Variants in GRK6 observed in about 807,000 individuals in gnomAD.
GRK6 encodes the protein G protein-coupled receptor kinase 6.
In GRK6, 37 loss-of-function variants were observed where a neutral mutation model predicts 80.8. The observed-to-expected ratio is 0.46, with a 90% confidence interval of 0.35 to 0.60. The LOEUF (loss-of-function observed/expected upper bound fraction) is 0.60, where lower values mean the gene tolerates loss of function less well. GRK6 is among the 20% of genes least tolerant of loss of function. The probability of loss-of-function intolerance (pLI) is 0.00; values close to 1 mark genes in which losing one functional copy is unlikely to be tolerated. For synonymous variants in GRK6, 295 were observed against 320.9 expected (o/e 0.92, Z 0.86); for missense variants, 560 against 784.6 (o/e 0.71, Z 3.42).
chr5:177,435,582 C>A (rs1764105535), intron 11 of GRK6, among the ~76,000 whole-genome samples: 1 of 152,238 alleles, frequency 6.6e-6, no homozygotes, highest in Non-Finnish European at 1.5e-5. Context: ...CTGCTCCCGG[C>A]CTCACTCTGC....
intron 12 of GRK6, 38 bp downstream of exon 12, chr5:177,436,319 G>A (rs767885485): frequency 6.2e-7 from 1 of 1,612,610 alleles, no homozygotes; most frequent in East Asian, 2.2e-5. Context: ...GCCAGGGCTG[G>A]GGTGGATGCA....
rs1483770900 is a variant in GRK6 at position 177,429,976 on chromosome 5, A to T, written c.53-896A>T. On this transcript the variant is annotated intron_variant, in intron 1 of 15. Transcript: ENST00000355472. This position sits in a 1 kb window ranked among gnomAD's most constrained non-coding sequence, Gnocchi z 4.3. ...CTCAACCTGGTGGCCCACAGGCCAC[A>T]CACATTTGGCTAGCTCCCTGACACA... Among the ~76,000 whole-genome samples the T allele has an allele frequency of 6.6e-6, 1 of 151,166 alleles. No homozygotes were observed. Among genetic ancestry groups the T allele is most frequent in the Non-Finnish European group, 1.5e-5 (1 of 67,914 alleles).
Position 177,428,492 on chromosome 5 carries a change from A to T in GRK6, c.52+1595A>T, listed in dbSNP as rs1763760873. On this transcript the variant is annotated intron_variant, in intron 1 of 15. Coordinates refer to ENST00000355472, the MANE Select transcript of GRK6 (RefSeq NM_001004106.3). This position sits in a 1 kb window ranked among gnomAD's most constrained non-coding sequence, Gnocchi z 4.1. The stretch of plus-strand genomic sequence containing the variant: ...TCACCCAGGCTGGAGTGCAGGGCTC[A>T]CTGCAACCTCCGCCTCCTGGGTTCA... Among the ~76,000 whole-genome samples the T allele has an allele frequency of 6.6e-6, 1 of 152,164 alleles. No individual in the cohort carries two copies. The highest frequency in any genetic ancestry group is 2.4e-5 in the African/African-American group (1 of 41,438).
intron 13 of GRK6, 90 bp downstream of exon 13, chr5:177,436,620 C>A: frequency 1.6e-6 from 2 of 1,256,182 alleles, no homozygotes; most frequent in Non-Finnish European, 2.2e-6. Context: ...GCTTCCAGTG[C>A]AAGTGGCAGA....
intron 9 of GRK6, among the ~76,000 whole-genome samples, 157 bp downstream of exon 9, chr5:177,434,261 A>C (rs573287573): frequency 2.2e-4 from 33 of 152,262 alleles, no homozygotes; most frequent in African/African-American, 7.0e-4. Flanking sequence ...CGCCAGGCCA[A>C]CCTGAGTAGC....
chr5:177,434,227 G>C, intron 9 of GRK6, 123 bp downstream of exon 9: 1 of 1,022,260 alleles, frequency 9.8e-7, no homozygotes, highest in Non-Finnish European at 1.4e-6. Context: ...TGGTTTGGGG[G>C]CTGTGGCACC....
Position 177,441,705 on chromosome 5 carries a change from TCCCTCCCTCCGTGTCTTCC to T in GRK6, c.1678-29_1678-11del. ...GTTAATGGCACCTGCTCTGCCTCTC[TCCCTCCCTCCGTGTCTTCC>T]CCGTCCCTCCAGGATTGCTGTGGAA... On this transcript the variant is annotated splice_polypyrimidine_tract_variant and intron_variant, in intron 15 of 15. Transcript: ENST00000355472. The T allele has an allele frequency of 6.4e-7, 1 of 1,557,782 alleles. No individual in the cohort carries two copies. The highest frequency in any genetic ancestry group is 8.9e-7 in the Non-Finnish European group (1 of 1,129,610).
rs1284679106 is a variant in GRK6, at chr5:177,428,741, C to T, written c.52+1844C>T. 3.9e-5 allele frequency among the ~76,000 whole-genome samples: 6 copies of T among 152,172 alleles called. No individual in the cohort carries two copies. The highest frequency in any genetic ancestry group is 1.4e-4 in the African/African-American group (6 of 41,434). The stretch of plus-strand genomic sequence containing the variant: ...CCGACCTGCATGACTTTAAACATGT[C>T]TCTTCTTTCTCAACTTCAGTACCCC... On this transcript the variant is annotated intron_variant, in intron 1 of 15. Coordinates refer to ENST00000355472, the MANE Select transcript of GRK6 (RefSeq NM_001004106.3). This position sits in a 1 kb window ranked among gnomAD's most constrained non-coding sequence, Gnocchi z 4.1.
At chr5:177,430,761 C>G in intron 1 of GRK6, 111 bp from the exon 2 acceptor site, 2 of 857,944 alleles carry the variant, frequency 2.3e-6, no homozygotes, top group South Asian at 3.1e-5. Context: ...AGGTGCTGTT[C>G]TGCCTCAGCT....
At chr5:177,439,891 T>C (rs908612407) in intron 13 of GRK6, 2 of 152,292 alleles carry the variant, frequency 1.3e-5, no homozygotes, top group African/African-American at 2.4e-5. Flanking sequence ...TTCCATTGCA[T>C]GGATAGACCA....
chr5:177,436,334 T>TTGCCA, intron 12 of GRK6, 53 bp downstream of exon 12: 5 of 1,556,016 alleles, frequency 3.2e-6, no homozygotes, highest in Non-Finnish European at 4.4e-6. Context: ...GATGCACCTT[T>TTGCCA]CCCTCCCTCC....
upstream of GRK6, chr5:177,426,529 T>G (rs528635645): frequency 1.3e-5 from 2 of 151,170 alleles, no homozygotes; most frequent in East Asian, 3.9e-4. Context: ...TTTGAGCGAG[T>G]CCCCAGCTGG....
At chr5:177,430,630 T>G in intron 1 of GRK6, 3 of 546,176 alleles carry the variant, frequency 5.5e-6, no homozygotes, top group South Asian at 4.3e-5. Context: ...TGGAACACTG[T>G]CCTCCCGCAG....
intron 12 of GRK6, 53 bp downstream of exon 12, chr5:177,436,334 T>TACCCCCCC: frequency 6.4e-7 from 1 of 1,556,034 alleles, no homozygotes; most frequent in Non-Finnish European, 8.8e-7. Context: ...GATGCACCTT[T>TACCCCCCC]CCCTCCCTCC....
At chr5:177,432,642 C>G in intron 4 of GRK6, 64 bp from the exon 5 acceptor site, 1 of 1,173,034 alleles carries the variant, frequency 8.5e-7, no homozygotes. Context: ...TGACCCCTCT[C>G]CCCTGGAAGT....
chr5:177,440,663 T>C (rs199800516), intron 13 of GRK6, 37 bp from the exon 14 acceptor site: 13 of 1,609,454 alleles, frequency 8.1e-6, no homozygotes, highest in Admixed American at 1.7e-5. Flanking sequence ...TGTGCGTGTG[T>C]GTGTTTCCTA....
rs111784319 is a variant in GRK6, at chr5:177,439,638, CA to C, written c.1405-1048del. Reference sequence around the variant, plus strand: ...TGTGTTCATTACCTGCCCCACTCTGCAAAAAAAAAAAAAACCCATACCCTTA... The same window carrying C: ...TGTGTTCATTACCTGCCCCACTCTGCAAAAAAAAAAAAACCCATACCCTTA... On this transcript the variant is annotated intron_variant, in intron 13 of 15. Coordinates refer to ENST00000355472, the MANE Select transcript of GRK6 (RefSeq NM_001004106.3). Among the ~76,000 whole-genome samples, 470 of 126,558 alleles carry C rather than the reference CA, an allele frequency of 3.7e-3. 2 individuals carry two copies. Among genetic ancestry groups the C allele is most frequent in the African/African-American group, 8.1e-3 (279 of 34,342 alleles). The allele number at this position is 126,558 out of a possible 152,430, so 83.0% of individuals were successfully genotyped here.
At chr5:177,437,330 TCAGAGGCCCCTCACTGGCCACACC>T (rs1444741339) in intron 13 of GRK6, among the ~76,000 whole-genome samples, 2 of 152,264 alleles carry the variant, frequency 1.3e-5, no homozygotes, top group African/African-American at 4.8e-5. Context: ...CTCTCATTGC[TCAGAGGCCCCTCACTGGCCACACC>T]CAGATCATAC....
Position 177,426,873 on chromosome 5 carries a change from A to G in GRK6, c.28A>G (p.Thr10Ala). The change falls in exon 1 of 16, where the codon ACG (threonine) becomes GCG (alanine). Residue 10 changes from threonine to alanine, a missense_variant. By Grantham distance (58) the Thr-to-Ala change is moderately conservative. Around this residue, in one of 3 missense-constraint regions of GRK6, gnomAD observed 189 missense variants for 230.2 expected, o/e 0.82. Transcript: ENST00000355472. ...GGAGCTCGAGAACATCGTAGCGAAC[A>G]CGGTGCTACTCAAGGCCCGGGAAGG... MELENIVAN[T>A]VLLKAREGGG... 1 of 1,384,142 alleles carries G rather than the reference A, an allele frequency of 7.2e-7. No homozygotes were observed. The highest frequency in any genetic ancestry group is 9.4e-7 in the Non-Finnish European group (1 of 1,061,594). The allele number at this position is 1,384,142 out of a possible 1,614,324, so 85.7% of individuals were successfully genotyped here.
Sources: allele counts gnomAD v4.1 joint callset (sites outside exome capture counted in the v4.1 genomes callset), GRCh38; gene constraint gnomAD v4.1.1; regional missense constraint gnomAD v4.1.1; non-coding constraint Gnocchi (gnomAD v3.1); transcripts MANE v1.5; gene names NCBI Gene and HGNC (gene_info 2026-07-23, HGNC 2026-07-21).